GPR161: variants seen among roughly 807,000 people sequenced by gnomAD.
The protein encoded by GPR161 is G-protein coupled receptor RE2.
GPR161 carries 25 observed loss-of-function variants against 39.2 expected under a neutral mutation model. The ratio of observed to expected loss-of-function variants is 0.64; its 90% CI spans 0.47 to 0.89. The LOEUF (loss-of-function observed/expected upper bound fraction) is 0.89. Ranked by LOEUF, GPR161 falls within the 40% of genes least tolerant of loss-of-function variation. The pLI, the probability that GPR161 is intolerant of heterozygous loss-of-function variation, is 0.00. For missense variants in GPR161, 547 were observed against 677.8 expected (o/e 0.81, Z 2.14); for synonymous variants, 286 against 276.6 (o/e 1.03, Z -0.34).
Position 168,079,597 on chromosome 1 carries a change from G to A in GPR161, c.*5934C>T, listed in dbSNP as rs1414844113. The A allele has an allele frequency of 6.6e-6, 1 of 151,980 alleles. No individual in the cohort carries two copies. The highest frequency in any genetic ancestry group is 2.4e-5 in the African/African-American group (1 of 41,376). The allele number at this position is 151,980 out of a possible 1,614,324, so 9.4% of individuals were successfully genotyped here. On this transcript the variant is annotated 3_prime_UTR_variant, in exon 6 of 6. Transcript: ENST00000682931. ...AAACAAAAATTCCAAATACATTGTTGCTTATTTATAAATATTGATTTATAA... is the reference window on the plus strand; with the variant it reads ...AAACAAAAATTCCAAATACATTGTTACTTATTTATAAATATTGATTTATAA...
At chr1:168,134,910 T>C in intron 1 of GPR161, 1 of 1,535,594 alleles carries the variant, frequency 6.5e-7, no homozygotes, top group Non-Finnish European at 8.7e-7. Context: ...CTGTACCTCC[T>C]CTTGCTGACA....
At chr1:168,113,081 G>C (rs1697355121) in intron 1 of GPR161, among the ~76,000 whole-genome samples, 1 of 152,118 alleles carries the variant, frequency 6.6e-6, no homozygotes, top group Non-Finnish European at 1.5e-5. Context: ...AAGAGAAGTG[G>C]TTTGGAATGC....
intron 1 of GPR161, among the ~76,000 whole-genome samples, chr1:168,127,763 T>TC (rs1698698389): frequency 6.6e-6 from 1 of 152,060 alleles, no homozygotes; most frequent in South Asian, 2.1e-4. Context: ...TTCAATCACC[T>TC]CCCACTGGGT....
chr1:168,117,805 ACTC>A (rs1558128022), intron 1 of GPR161, among the ~76,000 whole-genome samples: 1 of 151,722 alleles, frequency 6.6e-6, no homozygotes, highest in African/African-American at 2.4e-5. Context: ...TGTGTTGCAG[ACTC>A]CTCACCACCA....
intron 1 of GPR161, among the ~76,000 whole-genome samples, chr1:168,132,583 G>A (rs1320655833): frequency 1.0e-4 from 15 of 142,914 alleles, no homozygotes; most frequent in Admixed American, 1.4e-4. Context: ...GCAAGACTCC[G>A]TCTCAAAAAA....
At chr1:168,116,407 T>C (rs776171145) in intron 1 of GPR161, among the ~76,000 whole-genome samples, 3 of 152,126 alleles carry the variant, frequency 2.0e-5, no homozygotes, top group Admixed American at 6.5e-5. Flanking sequence ...GGCCATACTC[T>C]CAGGGCCCCT....
chr1:168,111,686 A>G (rs1697185848), intron 1 of GPR161, among the ~76,000 whole-genome samples: 1 of 152,210 alleles, frequency 6.6e-6, no homozygotes, highest in African/African-American at 2.4e-5. Context: ...ATTTTTAAAA[A>G]CTGTTTTTAA....
At chr1:168,100,634 T>C (rs1254032157) in intron 2 of GPR161, among the ~76,000 whole-genome samples, 1 of 152,208 alleles carries the variant, frequency 6.6e-6, no homozygotes, top group African/African-American at 2.4e-5. Flanking sequence ...TCTTAGTAAG[T>C]TGTCTTCAGT....
At position 168,085,425 on chromosome 1, in the gene GPR161, C is replaced by G. The variant is rs1246550004; in HGVS notation, c.*106G>C. 6.7e-6 allele frequency: 7 copies of G among 1,046,496 alleles called. No individual in the cohort carries two copies. Among genetic ancestry groups the G allele is most frequent in the Non-Finnish European group, 9.9e-6 (7 of 707,530 alleles). 64.8% of individuals were successfully genotyped at this position (1,046,496 alleles called of 1,614,324 possible). On this transcript the variant is annotated 3_prime_UTR_variant, in exon 6 of 6. Coordinates refer to ENST00000682931, the MANE Select transcript of GPR161 (RefSeq NM_001375883.1). ...GATGCTGCTCCTTCCCTGTGTGTGG[C>G]CAGCTGTACACAGTGACATGCTCCC...
chr1:168,092,117 G>A (rs540066385), intron 3 of GPR161, among the ~76,000 whole-genome samples: 70 of 152,302 alleles, frequency 4.6e-4, no homozygotes, highest in African/African-American at 1.5e-3. Context: ...GCTTTTGCAA[G>A]GGGACTTCCT....
At chr1:168,125,066 G>C (rs1235690582) in intron 1 of GPR161, among the ~76,000 whole-genome samples, 2 of 152,198 alleles carry the variant, frequency 1.3e-5, no homozygotes, top group African/African-American at 4.8e-5. Flanking sequence ...AATGTGTATT[G>C]CATATTCTCT....
intron 3 of GPR161, 109 bp downstream of exon 3, chr1:168,096,399 C>T: frequency 2.7e-6 from 3 of 1,113,040 alleles, no homozygotes; most frequent in Non-Finnish European, 3.9e-6. Flanking sequence ...GTGCTTTGAG[C>T]CTTACCGCCA....
At chr1:168,125,790 G>T (rs938825175) in intron 1 of GPR161, among the ~76,000 whole-genome samples, 1 of 152,122 alleles carries the variant, frequency 6.6e-6, no homozygotes, top group African/African-American at 2.4e-5. Flanking sequence ...GCTAATTTTT[G>T]TATTTTTAGT....
At chr1:168,102,982 C>A (rs766257994) in intron 2 of GPR161, among the ~76,000 whole-genome samples, 6 of 152,002 alleles carry the variant, frequency 3.9e-5, no homozygotes, top group Non-Finnish European at 8.8e-5. Context: ...ATTTGTACAA[C>A]TTTCTGAAAG....
intron 1 of GPR161, among the ~76,000 whole-genome samples, chr1:168,115,925 G>A (rs918212671): frequency 5.0e-4 from 76 of 152,024 alleles, no homozygotes; most frequent in Non-Finnish European, 1.1e-3. Context: ...ACAGGCGCCC[G>A]CCACCACGCC....
Position 168,096,952 on chromosome 1 carries a change from C to T in GPR161, c.655G>A (p.Ala219Thr). ...ACTGTGCCACAGTGCACCTTGCGTGCCTTGACCCTGGCCACGCGGAAGATG... is the reference window on the plus strand; with the variant it reads ...ACTGTGCCACAGTGCACCTTGCGTGTCTTGACCCTGGCCACGCGGAAGATG... The part of the protein sequence containing the change: ...GFIFRVARVK[A>T]RKVHCGTVVI... The change falls in exon 3 of 6, where the codon GCA becomes ACA. Residue 219 changes from alanine (A) to threonine (T), a missense_variant. Ala to Thr is a moderately conservative substitution (Grantham distance 58). Coordinates refer to ENST00000682931, the MANE Select transcript of GPR161 (RefSeq NM_001375883.1). 6.2e-7 allele frequency: 1 copy of T among 1,614,152 alleles called. No homozygotes were observed. Among genetic ancestry groups the T allele is most frequent in the Non-Finnish European group, 8.5e-7 (1 of 1,180,022 alleles).
At position 168,097,230 on chromosome 1, in the gene GPR161, T is replaced by C. The variant is rs1271645410; in HGVS notation, c.377A>G (p.Tyr126Cys). Residue 126 changes from tyrosine (Y) to cysteine (C), a missense_variant and splice_region_variant, in exon 3 of 6, where the codon TAC (tyrosine) becomes TGC (cysteine). Physicochemically the swap from Tyr to Cys is radical, Grantham distance 194 (BLOSUM62 -2). Transcript: ENST00000682931. ...CACCATGGGGTACAGGACAGCATAG[T>C]AGCTAGAAAAGGGATGGAGGGAGGC... ...LTLGVIAIDRYYAVLYPMVYP... is the reference protein window; with the variant it reads ...LTLGVIAIDRCYAVLYPMVYP... 1.9e-6 allele frequency: 3 copies of C among 1,604,132 alleles called. No homozygotes were observed. The highest frequency in any genetic ancestry group is 2.7e-5 in the African/African-American group (2 of 74,662).
intron 5 of GPR161, among the ~76,000 whole-genome samples, chr1:168,086,677 G>T (rs561715836): frequency 6.6e-6 from 1 of 152,280 alleles, no homozygotes; most frequent in Non-Finnish European, 1.5e-5. Context: ...CTGGGGGGTT[G>T]GGGAGCATTT....
At chr1:168,136,660 C>A (rs1031870347) in intron 1 of GPR161, 79 bp downstream of exon 1, 66 of 1,192,268 alleles carry the variant, frequency 5.5e-5, no homozygotes, top group Non-Finnish European at 6.5e-5. Context: ...CTCAGCCTCG[C>A]ACAATGAGTT....
Sources: gnomAD v4.1 joint callset for allele counts (sites outside exome capture counted in the v4.1 genomes callset) on GRCh38, gnomAD v4.1.1 for gene constraint, MANE v1.5 for transcripts, NCBI Gene and HGNC (gene_info 2026-07-23, HGNC 2026-07-21) for gene names.